The following SYNE2 variants were observed in gnomAD, a reference collection of about 807,000 sequenced individuals.
The protein encoded by SYNE2 is spectrin repeat containing nuclear envelope protein 2.
A neutral mutation model predicts 856.3 loss-of-function variants in SYNE2; 431 were observed. The ratio of observed to expected loss-of-function variants is 0.50; its 90% CI spans 0.47 to 0.55. SYNE2 has a LOEUF of 0.55. Ranked by LOEUF, SYNE2 falls within the 20% of genes least tolerant of loss-of-function variation. The pLI, the probability that SYNE2 is intolerant of heterozygous loss-of-function variation, is 0.00. For synonymous variants in SYNE2, 2,923 were observed against 2,872.3 expected (o/e 1.02, Z -0.56); for missense variants, 8,129 against 8,023.2 (o/e 1.01, Z -0.50).
At position 64,053,304 on chromosome 14, in the gene SYNE2, G is replaced by T. The variant is rs771357709; in HGVS notation, c.9391G>T (p.Asp3131Tyr). The T allele has an allele frequency of 2.5e-6, 4 of 1,608,602 alleles. No individual in the cohort carries two copies. The South Asian group carries it at 3.4e-5, about 14-fold the overall frequency. The part of the protein sequence containing the change: ...LQIKLNAEEN[D>Y]KLYKVLQNMV... ...AATAAAGCTGAATGCAGAAGAAAAT[G>T]ATAAGTTATACAAAGTTCTCCAAAA... is the stretch of plus-strand genomic sequence containing the variant. Residue 3131 changes from aspartate to tyrosine, a missense_variant, in exon 48 of 116, where the codon GAT becomes TAT. By Grantham distance (160) the Asp-to-Tyr change is radical (BLOSUM62 -3). Around this residue, in one of 3 missense-constraint regions of SYNE2, gnomAD observed 5,410 missense variants for 5,284.8 expected, o/e 1.02. Transcript: ENST00000555002.
intron 1 of SYNE2, among the ~76,000 whole-genome samples, chr14:63,832,520 A>T (rs1216695389): frequency 6.6e-6 from 1 of 151,982 alleles, no homozygotes; most frequent in Non-Finnish European, 1.5e-5. Flanking sequence ...AAATCATAAT[A>T]ATTCACCAGA....
rs1465625680 is a variant in SYNE2 at position 63,814,970 on chromosome 14, CT to C, written c.-304-37530del. ...TCTATCCATATATATCCATATATAT[CT>C]ATCCATATATATCCATATATACATC... On this transcript the variant is annotated intron_variant, in intron 1 of 23. Coordinates refer to the SYNE2 transcript ENST00000674003. Among the ~76,000 whole-genome samples the C allele has an allele frequency of 7.2e-3, 520 of 72,650 alleles. 1 individual carries two copies. Among genetic ancestry groups the C allele is most frequent in the East Asian group, 0.013 (34 of 2,692 alleles). The allele number at this position is 72,650 out of a possible 152,430, so 47.7% of individuals were successfully genotyped here.
chr14:64,047,551 G>C (rs954973831), intron 45 of SYNE2, among the ~76,000 whole-genome samples: 1 of 152,156 alleles, frequency 6.6e-6, no homozygotes, highest in African/African-American at 2.4e-5. Flanking sequence ...GCCCCTATCT[G>C]TCTAGGCATT....
intron 2 of SYNE2, among the ~76,000 whole-genome samples, chr14:63,922,149 G>T (rs911186582): frequency 1.3e-5 from 2 of 152,008 alleles, no homozygotes; most frequent in African/African-American, 4.8e-5. Context: ...GACTATAGCT[G>T]TGCGCCACCA....
chr14:64,215,701 C>G (rs1193281438), intron 107 of SYNE2: 2 of 427,702 alleles, frequency 4.7e-6, no homozygotes, highest in South Asian at 2.8e-5. Flanking sequence ...GGAACTGTTT[C>G]CTTGCTTTAC....
At chr14:63,884,132 G>A (rs1273348789) in intron 1 of SYNE2, among the ~76,000 whole-genome samples, 5 of 152,172 alleles carry the variant, frequency 3.3e-5, no homozygotes, top group African/African-American at 1.2e-4. Flanking sequence ...CCCTCCTGGA[G>A]TATCGAGGGT....
chr14:64,211,944 C>A lies in SYNE2; in HGVS notation c.18724-17C>A, dbSNP rs757626548. 6.2e-7 allele frequency: 1 copy of A among 1,614,030 alleles called. No individual in the cohort carries two copies. The highest frequency in any genetic ancestry group is 1.7e-5 in the Admixed American group (1 of 60,024). The stretch of plus-strand genomic sequence containing the variant: ...TCCGTGGTCAGTAGAAATGTGATTT[C>A]CTCCCCACTTTTGCAGCATTTCACC... On this transcript the variant is annotated splice_polypyrimidine_tract_variant and intron_variant, in intron 103 of 115. Transcript: ENST00000555002.
chr14:63,997,384 C>G lies in SYNE2; in HGVS notation c.3236C>G (p.Thr1079Ser). The change falls in exon 25 of 116, where the codon ACT becomes AGT. Residue 1079 changes from threonine to serine, a missense_variant. Physicochemically the swap from Thr to Ser is moderately conservative, Grantham distance 58. Transcript: ENST00000555002. ...GCAAAATCAGATAATCAGCCATCAA[C>G]TGAAAAGGTGTTAAATGTGGATAAT... is the stretch of plus-strand genomic sequence containing the variant. ...PFAKSDNQPSTEKAMEPTMKF... is the reference protein window; with the variant it reads ...PFAKSDNQPSSEKAMEPTMKF... The G allele has an allele frequency of 6.2e-7, 1 of 1,611,690 alleles. No homozygotes were observed. Among genetic ancestry groups the G allele is most frequent in the Non-Finnish European group, 8.5e-7 (1 of 1,178,788 alleles).
chr14:63,773,522 C>G (rs186342853), intron 1 of SYNE2, among the ~76,000 whole-genome samples: 2 of 152,152 alleles, frequency 1.3e-5, no homozygotes, highest in East Asian at 1.9e-4. Context: ...TTTTTTAAAG[C>G]CTATTTTTAA....
chr14:64,108,460 T>C (rs2097785243), intron 65 of SYNE2, among the ~76,000 whole-genome samples: 1 of 152,072 alleles, frequency 6.6e-6, no homozygotes, highest in African/African-American at 2.4e-5. Context: ...TGTACCTCAG[T>C]TGTTCTCAAT....
rs563936935 is a variant in SYNE2 at position 64,010,128 on chromosome 14, T to C, written c.4728+12T>C. ...AAAGGATAGCAGAGGTGAGTCCAGG[T>C]TCCATTAGAAAAAACTGCCCAGTGA... On this transcript the variant is annotated intron_variant, in intron 32 of 115. Transcript: ENST00000555002. 3.1e-6 allele frequency: 5 copies of C among 1,607,164 alleles called. No individual in the cohort carries two copies. In the South Asian group the frequency reaches 5.6e-5, roughly 18 times the overall value.
At chr14:63,980,087 T>A (rs2096574425) in intron 14 of SYNE2, among the ~76,000 whole-genome samples, 1 of 152,226 alleles carries the variant, frequency 6.6e-6, no homozygotes. Flanking sequence ...TATTTCTTTT[T>A]CCTTGCTTGA....
chr14:64,059,234 GTGTC>G (rs1317851468), intron 49 of SYNE2, among the ~76,000 whole-genome samples: 1 of 152,188 alleles, frequency 6.6e-6, no homozygotes, highest in Non-Finnish European at 1.5e-5. Flanking sequence ...ATGTTTGTCA[GTGTC>G]TGGGCATTGA....
At chr14:64,219,611 G>C (rs1050760827) in intron 110 of SYNE2, among the ~76,000 whole-genome samples, 5 of 152,220 alleles carry the variant, frequency 3.3e-5, no homozygotes, top group Non-Finnish European at 7.3e-5. Context: ...AAGAGTATCT[G>C]CAAATGATCC....
At chr14:64,018,149 T>C (rs1021483840) in intron 34 of SYNE2, among the ~76,000 whole-genome samples, 1 of 152,228 alleles carries the variant, frequency 6.6e-6, no homozygotes, top group African/African-American at 2.4e-5. Context: ...ATTGGTAGTA[T>C]GAAAAAGATG....
rs774612893 is a variant in SYNE2 at position 64,224,551 on chromosome 14, A to G, written c.20469+4A>G. The G allele has an allele frequency of 1.2e-6, 2 of 1,614,078 alleles. No homozygotes were observed. Among genetic ancestry groups the G allele is most frequent in the African/African-American group, 1.3e-5 (1 of 75,036 alleles). ...CGTGCCAGCTCCCCGAGCAAAGGTA[A>G]GAAGCCCCTTCCTTCTGTGAGAACC... On this transcript the variant is annotated splice_donor_region_variant and intron_variant, in intron 114 of 115. Transcript: ENST00000555002.
intron 78 of SYNE2, among the ~76,000 whole-genome samples, chr14:64,134,758 C>T (rs553405917): frequency 4.6e-5 from 7 of 152,052 alleles, no homozygotes; most frequent in Admixed American, 4.6e-4. Context: ...AGGTGGATTG[C>T]CTGGGCTCAG....
chr14:64,016,786 G>T (rs1594886809), intron 33 of SYNE2, among the ~76,000 whole-genome samples, 155 bp downstream of exon 33: 1 of 152,072 alleles, frequency 6.6e-6, no homozygotes, highest in African/African-American at 2.4e-5. Flanking sequence ...CCAGAGTTGG[G>T]ACTACTAACA....
chr14:64,161,204 G>A (rs889588190), intron 87 of SYNE2, among the ~76,000 whole-genome samples: 6 of 151,960 alleles, frequency 3.9e-5, no homozygotes, highest in East Asian at 3.9e-4. Context: ...TTAGCCAGGC[G>A]TGGTGGCATG....
Sources: gnomAD v4.1 joint callset for allele counts (sites outside exome capture counted in the v4.1 genomes callset) on GRCh38, gnomAD v4.1.1 for gene constraint, gnomAD v4.1.1 regional missense constraint, MANE v1.5 for transcripts, NCBI Gene and HGNC (gene_info 2026-07-23, HGNC 2026-07-21) for gene names.